KNDC1: variants seen among roughly 807,000 people sequenced by gnomAD.
KNDC1 encodes kinase non-catalytic C-lobe domain-containing protein 1.
A neutral mutation model predicts 172.8 loss-of-function variants in KNDC1; 106 were observed. The ratio of observed to expected loss-of-function variants is 0.61; its 90% CI spans 0.52 to 0.72. The LOEUF is 0.72. Among genes scored for constraint, KNDC1 ranks in the 30% least tolerant of loss-of-function variants. The probability of loss-of-function intolerance (pLI) is 0.00; values close to 1 mark genes in which losing one functional copy is unlikely to be tolerated. For missense variants in KNDC1, 2,325 were observed against 2,394.5 expected (o/e 0.97, Z 0.61); for synonymous variants, 1,083 against 1,062.2 (o/e 1.02, Z -0.38).
chr10:133,199,321 A>G, intron 14 of KNDC1, 55 bp downstream of exon 14: 1 of 1,548,228 alleles, frequency 6.5e-7, no homozygotes, highest in Non-Finnish European at 8.7e-7. Context: ...AGAGCCCCAC[A>G]GGGGACTCGG....
At chr10:133,160,596 C>T (rs370267980) in intron 1 of KNDC1, 27 bp downstream of exon 1, 13 of 1,507,838 alleles carry the variant, frequency 8.6e-6, no homozygotes, top group Non-Finnish European at 4.5e-6. Flanking sequence ...ACTGGGGGGC[C>T]CCTTCCGCCG....
At chr10:133,222,261 C>A (rs372321359) in intron 29 of KNDC1, among the ~76,000 whole-genome samples, 3 of 132,764 alleles carry the variant, frequency 2.3e-5, no homozygotes, top group Non-Finnish European at 4.9e-5. Context: ...CCAGCCTGGG[C>A]GATAGAGCGA....
chr10:133,213,244 C>T (rs553802725), intron 24 of KNDC1, among the ~76,000 whole-genome samples: 2 of 152,356 alleles, frequency 1.3e-5, no homozygotes, highest in East Asian at 1.9e-4. Flanking sequence ...TCTCTCCCCC[C>T]AGCCCCTCCA....
intron 17 of KNDC1, chr10:133,202,264 A>C (rs1252882638): frequency 1.8e-6 from 1 of 560,038 alleles, no homozygotes; most frequent in South Asian, 1.5e-5. Flanking sequence ...GCCCTTGGGC[A>C]GCCTCGCTCT....
intron 29 of KNDC1, 101 bp downstream of exon 29, chr10:133,220,213 G>C: frequency 1.4e-6 from 1 of 735,480 alleles, no homozygotes; most frequent in Non-Finnish European, 2.0e-6. Context: ...GCCCAGGAGA[G>C]GAGGGGCTCA....
chr10:133,181,113 A>G (rs993700291), intron 3 of KNDC1, among the ~76,000 whole-genome samples: 1 of 151,642 alleles, frequency 6.6e-6, no homozygotes, highest in Non-Finnish European at 1.5e-5. Context: ...CGGCACCCAC[A>G]GACGCCACAC....
chr10:133,183,095 G>A (rs1305803636), intron 3 of KNDC1, among the ~76,000 whole-genome samples: 3 of 150,298 alleles, frequency 2.0e-5, no homozygotes, highest in Admixed American at 1.3e-4. Flanking sequence ...CAGTGTGGAC[G>A]TGGGTGGCGG....
In KNDC1 at chr10:133,186,135, C is replaced by A; in HGVS notation, c.787C>A (p.Leu263Met). The change falls in exon 6 of 30, where the codon CTG (leucine) becomes ATG (methionine). Residue 263 changes from leucine to methionine, a missense_variant. Transcript: ENST00000304613. ...CAGAGCCTCCCCAACCAAGGCTCTG[C>A]TGTCCACCCCGGTGAGAAATGGCGA... Reference protein sequence around the residue: ...GPRASPTKALLSTPVRNGESH... With the variant: ...GPRASPTKALMSTPVRNGESH... The A allele has an allele frequency of 6.3e-7, 1 of 1,593,188 alleles. No homozygotes were observed. The highest frequency in any genetic ancestry group is 8.5e-7 in the Non-Finnish European group (1 of 1,170,322).
chr10:133,223,978 C>T lies in KNDC1; in HGVS notation c.5019-681C>T, dbSNP rs1225630742. The stretch of plus-strand genomic sequence containing the variant: ...GCCCATCCAGGCATGCTCTTCCCGG[C>T]GTGTGTGTGTGTGTGTGAGAGAGCC... On this transcript the variant is annotated intron_variant, in intron 29 of 29. Transcript: ENST00000304613. Among the ~76,000 whole-genome samples, 144 of 124,240 alleles carry T rather than the reference C, an allele frequency of 1.2e-3. 1 individual carries two copies. The highest frequency in any genetic ancestry group is 4.4e-3 in the African/African-American group (139 of 31,732). The allele number at this position is 124,240 out of a possible 152,430, so 81.5% of individuals were successfully genotyped here.
At position 133,224,791 on chromosome 10, in the gene KNDC1, C is replaced by G; in HGVS notation, c.5151C>G (p.Leu1717=). The G allele has an allele frequency of 6.2e-7, 1 of 1,614,144 alleles. No homozygotes were observed. Among genetic ancestry groups the G allele is most frequent in the Non-Finnish European group, 8.5e-7 (1 of 1,180,018 alleles). The change falls in exon 30 of 30, where the codon CTC becomes CTG. Residue 1717 remains leucine (L), a synonymous_variant. Transcript: ENST00000304613. The surrounding 1 kb of genome is among the most constrained non-coding windows in gnomAD (Gnocchi z 5.4). ...TCAGCGGTGCCGACATTTCCACACT[C>G]GCCGCAGATAGCAGGGCCAACTTCC... is the stretch of plus-strand genomic sequence containing the variant. ...ARFSGADIST[L]AADSRANFHQ...
chr10:133,178,264 T>C (rs1046420404), intron 3 of KNDC1, among the ~76,000 whole-genome samples: 2 of 152,190 alleles, frequency 1.3e-5, no homozygotes, highest in Non-Finnish European at 2.9e-5. Flanking sequence ...CACACATGTG[T>C]AGCATGGTGC....
At chr10:133,189,376 C>T (rs1028400187) in intron 7 of KNDC1, among the ~76,000 whole-genome samples, 8 of 152,188 alleles carry the variant, frequency 5.3e-5, no homozygotes, top group Admixed American at 2.0e-4. Context: ...GCCACTGTGT[C>T]GGCTGGGGCA....
chr10:133,204,209 C>T (rs80241756), intron 17 of KNDC1, among the ~76,000 whole-genome samples: 11 of 152,322 alleles, frequency 7.2e-5, no homozygotes, highest in East Asian at 5.8e-4. Flanking sequence ...GGGACACCTG[C>T]GTTTACCAAC....
At chr10:133,213,883 C>A in intron 25 of KNDC1, 89 bp from the exon 26 acceptor site, 1 of 1,553,706 alleles carries the variant, frequency 6.4e-7, no homozygotes, top group Non-Finnish European at 8.8e-7. Context: ...CGTGGCCCGA[C>A]CCCAGCCCAC....
chr10:133,195,959 T>A, intron 10 of KNDC1, 138 bp downstream of exon 10: 1 of 902,760 alleles, frequency 1.1e-6, no homozygotes. Context: ...TCTAGGTCCC[T>A]GTTTCTAGAC....
chr10:133,198,569 C>G lies in KNDC1; in HGVS notation c.2070-9C>G, dbSNP rs750734192. 1 of 1,582,966 alleles carries G rather than the reference C, an allele frequency of 6.3e-7. No individual in the cohort carries two copies. Among genetic ancestry groups the G allele is most frequent in the Admixed American group, 1.7e-5 (1 of 57,730 alleles). On this transcript the variant is annotated splice_polypyrimidine_tract_variant and intron_variant, in intron 13 of 29. Transcript: ENST00000304613. ...AGGCAGCCCCTCCTGAGCTCTGCTC[C>G]TCCCGTAGGGACCAGCCTGCCTTGG...
chr10:133,212,930 G>T lies in KNDC1; in HGVS notation c.4443+8G>T. The T allele has an allele frequency of 6.2e-7, 1 of 1,606,606 alleles. No homozygotes were observed. Among genetic ancestry groups the T allele is most frequent in the Non-Finnish European group, 8.5e-7 (1 of 1,174,800 alleles). On this transcript the variant is annotated splice_region_variant and intron_variant, in intron 24 of 29. Transcript: ENST00000304613. ...CTCACGCTGCTACAGCAGGTGAGGA[G>T]GGCGAGGATCTGCGCCCAGGTCACC...
At chr10:133,201,350 C>G in intron 16 of KNDC1, 151 bp from the exon 17 acceptor site, 1 of 790,064 alleles carries the variant, frequency 1.3e-6, no homozygotes, top group Non-Finnish European at 2.1e-6. Context: ...CACTGGGAGG[C>G]GGCAGCCGTG....
intron 3 of KNDC1, among the ~76,000 whole-genome samples, chr10:133,169,558 C>T (rs1279247777): frequency 1.3e-5 from 2 of 152,242 alleles, no homozygotes; most frequent in Non-Finnish European, 2.9e-5. Context: ...GGGAGGTGGG[C>T]AGGGTGCCCC....
Sources: allele counts gnomAD v4.1 joint callset (sites outside exome capture counted in the v4.1 genomes callset), GRCh38; gene constraint gnomAD v4.1.1; non-coding constraint Gnocchi (gnomAD v3.1); transcripts MANE v1.5; gene names NCBI Gene and HGNC (gene_info 2026-07-23, HGNC 2026-07-21).